The following TNRC6B variants were observed in gnomAD, a reference collection of about 807,000 sequenced individuals.
TNRC6B encodes trinucleotide repeat containing adaptor 6B.
TNRC6B carries 52 observed loss-of-function variants against 203.6 expected under a neutral mutation model. The ratio of observed to expected loss-of-function variants is 0.26; its 90% CI spans 0.20 to 0.32. TNRC6B has a LOEUF of 0.32. Ranked by LOEUF, TNRC6B falls within the 10% of genes least tolerant of loss-of-function variation. The pLI, the probability that TNRC6B is intolerant of heterozygous loss-of-function variation, is 1.00. For synonymous variants in TNRC6B, 838 were observed against 845.7 expected (o/e 0.99, Z 0.16); for missense variants, 1,923 against 2,286.2 (o/e 0.84, Z 3.24).
chr22:40,126,871 A>G (rs1247435198), intron 3 of TNRC6B, among the ~76,000 whole-genome samples: 5 of 151,540 alleles, frequency 3.3e-5, no homozygotes, highest in African/African-American at 9.7e-5. Flanking sequence ...GATTACAGGC[A>G]TGAGCCACCA....
chr22:40,320,969 A>G (rs2071326978), intron 21 of TNRC6B, 121 bp from the exon 22 acceptor site: 2 of 1,134,990 alleles, frequency 1.8e-6, no homozygotes, highest in East Asian at 2.4e-5. Context: ...TTTGAGCTGC[A>G]TTTATGGAAA....
intron 12 of TNRC6B, among the ~76,000 whole-genome samples, chr22:40,296,887 C>T (rs1290678506): frequency 2.6e-5 from 4 of 152,190 alleles, no homozygotes; most frequent in African/African-American, 9.6e-5. Flanking sequence ...GACTTGGCCT[C>T]CCAAAGTGCT....
intron 1 of TNRC6B, among the ~76,000 whole-genome samples, chr22:40,183,915 T>G (rs1296417513): frequency 1.3e-5 from 2 of 152,194 alleles, no homozygotes; most frequent in Admixed American, 1.3e-4. Flanking sequence ...CAGGCTGATC[T>G]CGAACTCCTG....
At chr22:40,116,339 C>T (rs1268866336) in intron 1 of TNRC6B, among the ~76,000 whole-genome samples, 1 of 152,128 alleles carries the variant, frequency 6.6e-6, no homozygotes, top group African/African-American at 2.4e-5. Flanking sequence ...ATTCCTTCTG[C>T]GTTTGTTTGT....
intron 1 of TNRC6B, among the ~76,000 whole-genome samples, chr22:40,070,376 A>G (rs2067936588): frequency 6.6e-6 from 1 of 152,178 alleles, no homozygotes. Context: ...ATGTTCTTTG[A>G]TACATCAGAA....
intron 3 of TNRC6B, among the ~76,000 whole-genome samples, chr22:40,145,927 A>G (rs1272200303): frequency 3.3e-5 from 5 of 152,284 alleles, no homozygotes; most frequent in African/African-American, 1.2e-4. Flanking sequence ...CTGCATGGCA[A>G]CGTCAGCCTG....
intron 4 of TNRC6B, among the ~76,000 whole-genome samples, chr22:40,168,800 C>G (rs2068944409): frequency 6.6e-6 from 1 of 152,184 alleles, no homozygotes; most frequent in Non-Finnish European, 1.5e-5. Flanking sequence ...TTCCCAGGTT[C>G]TCTCCGTGGC....
intron 1 of TNRC6B, among the ~76,000 whole-genome samples, chr22:40,232,619 A>G (rs1378900084): frequency 6.6e-6 from 1 of 152,242 alleles, no homozygotes; most frequent in African/African-American, 2.4e-5. Context: ...AATGTTCTTC[A>G]GGCACCATTC....
intron 3 of TNRC6B, among the ~76,000 whole-genome samples, chr22:40,153,302 T>C (rs1413023405): frequency 6.6e-6 from 1 of 151,954 alleles, no homozygotes; most frequent in Non-Finnish European, 1.5e-5. Flanking sequence ...ATGCTCCAGC[T>C]TAGGAGAAAG....
chr22:40,129,604 G>C (rs1185462465), intron 3 of TNRC6B, among the ~76,000 whole-genome samples: 1 of 152,124 alleles, frequency 6.6e-6, no homozygotes, highest in Non-Finnish European at 1.5e-5. Flanking sequence ...GAATCAAGGA[G>C]GTTGACAAGT....
Position 40,301,312 on chromosome 22 carries a change from C to A in TNRC6B, c.4099C>A (p.Pro1367Thr). ...GCTCCCAGACCTTCAAACCAAAGGG[C>A]CAATACCTGGATATGGTTCTGGTAA... Reference protein sequence around the residue: ...VGLPDLQTKGPIPGYGSGFSS... With the variant: ...VGLPDLQTKGTIPGYGSGFSS... The change falls in exon 15 of 23, where the codon CCA becomes ACA. Residue 1367 changes from proline (P) to threonine (T), a missense_variant. Around this residue, in one of 8 missense-constraint regions of TNRC6B, gnomAD observed 242 missense variants for 399.5 expected, o/e 0.61. Transcript: ENST00000454349. 1.2e-6 allele frequency: 2 copies of A among 1,606,468 alleles called. No homozygotes were observed. Among genetic ancestry groups the A allele is most frequent in the Non-Finnish European group, 1.7e-6 (2 of 1,176,022 alleles).
At chr22:40,276,603 C>CTTTT (rs992553328) in intron 7 of TNRC6B, among the ~76,000 whole-genome samples, 2 of 152,190 alleles carry the variant, frequency 1.3e-5, no homozygotes, top group Non-Finnish European at 2.9e-5. Context: ...GGACCAATGT[C>CTTTT]TTTTATGCTG....
chr22:40,130,868 A>G (rs150792935), intron 3 of TNRC6B, among the ~76,000 whole-genome samples: 1 of 151,280 alleles, frequency 6.6e-6, no homozygotes, highest in African/African-American at 2.4e-5. Flanking sequence ...GTGCAAGTAT[A>G]GATCAGGAGC....
chr22:40,076,541 G>A (rs2068015256), intron 1 of TNRC6B, among the ~76,000 whole-genome samples: 1 of 152,034 alleles, frequency 6.6e-6, no homozygotes, highest in Non-Finnish European at 1.5e-5. Context: ...ATGCTTTTCT[G>A]TTGTATTGTT....
chr22:40,246,795 C>T lies in TNRC6B; in HGVS notation c.93+693C>T, dbSNP rs111889247. ...CCCCGGTGTTCTTTTGTTCCACCCA[C>T]GGTGCTGTTGTCTAGATGAGTCTAC... On this transcript the variant is annotated intron_variant, in intron 2 of 22. Coordinates refer to ENST00000454349, the MANE Select transcript of TNRC6B (RefSeq NM_001162501.2). Among the ~76,000 whole-genome samples, 312 of 152,050 alleles carry T rather than the reference C, an allele frequency of 2.1e-3. 3 individuals are homozygous for T. Among genetic ancestry groups the T allele is most frequent in the African/African-American group, 7.0e-3 (292 of 41,452 alleles).
At position 40,326,932 on chromosome 22, in the gene TNRC6B, G is replaced by A. The variant is rs1294036808; in HGVS notation, c.*3691G>A. On this transcript the variant is annotated 3_prime_UTR_variant, in exon 23 of 23. Transcript: ENST00000454349. ...TTAGCTCCCAGCTACTGTTGTGCTC[G>A]TTTTAATTGCTGTTTTGAAGATCTG... is the stretch of plus-strand genomic sequence containing the variant. 2.6e-5 allele frequency: 4 copies of A among 152,612 alleles called. No individual in the cohort carries two copies. The highest frequency in any genetic ancestry group is 4.8e-5 in the African/African-American group (2 of 41,454). 9.5% of individuals were successfully genotyped at this position (152,612 alleles called of 1,614,324 possible). A position where few individuals can be genotyped will look rare whatever the true frequency, so the allele number is the denominator to read the frequency against.
At chr22:40,236,439 T>C (rs938373534) in intron 1 of TNRC6B, among the ~76,000 whole-genome samples, 1 of 152,192 alleles carries the variant, frequency 6.6e-6, no homozygotes, top group Non-Finnish European at 1.5e-5. Context: ...TCCTTTTTAT[T>C]GTGGAGTTCT....
intron 3 of TNRC6B, among the ~76,000 whole-genome samples, chr22:40,152,684 G>A (rs767840889): frequency 1.8e-4 from 28 of 152,114 alleles, no homozygotes; most frequent in Non-Finnish European, 3.4e-4. Flanking sequence ...TGTTGGCCAG[G>A]ATGACCTTGA....
chr22:40,281,799 C>T (rs771567544), intron 11 of TNRC6B, among the ~76,000 whole-genome samples: 3 of 152,074 alleles, frequency 2.0e-5, no homozygotes, highest in South Asian at 2.1e-4. Context: ...AAATAGTAAA[C>T]GGTGAAGCTT....
Sources: allele counts gnomAD v4.1 joint callset (sites outside exome capture counted in the v4.1 genomes callset), GRCh38; gene constraint gnomAD v4.1.1; regional missense constraint gnomAD v4.1.1; transcripts MANE v1.5; gene names NCBI Gene and HGNC (gene_info 2026-07-23, HGNC 2026-07-21).